Variants in GADL1 observed in about 807,000 individuals in gnomAD.
GADL1 encodes GAD like acidic amino acid decarboxylase 1.
GADL1 carries 71 observed loss-of-function variants against 69.5 expected under a neutral mutation model. The ratio of observed to expected loss-of-function variants is 1.02; its 90% CI spans 0.84 to 1.25. The LOEUF (loss-of-function observed/expected upper bound fraction) is 1.25, where lower values mean the gene tolerates loss of function less well. GADL1 is among the 50% of genes most tolerant of loss of function. The pLI, the probability that GADL1 is intolerant of heterozygous loss-of-function variation, is 0.00. For missense variants in GADL1, 737 were observed against 631.8 expected, an observed-to-expected ratio of 1.17 and a Z score of -1.79; for synonymous variants, 254 against 214.4, an observed-to-expected ratio of 1.18 and a Z score of -1.62.
intron 1 of GADL1, among the ~76,000 whole-genome samples, chr3:30,862,295 G>A (rs1230324946): frequency 6.6e-6 from 1 of 151,998 alleles, no homozygotes; most frequent in Non-Finnish European, 1.5e-5. Context: ...CGAGATGGAG[G>A]AACAGGAGTT....
intron 14 of GADL1, among the ~76,000 whole-genome samples, chr3:30,751,341 C>A (rs187156747): frequency 1.3e-5 from 2 of 151,876 alleles, no homozygotes; most frequent in East Asian, 1.9e-4. Flanking sequence ...ACTCTTGAGC[C>A]GCTTGCTGGT....
chr3:30,786,496 C>A, intron 12 of GADL1, 90 bp from the exon 13 acceptor site: 1 of 731,464 alleles, frequency 1.4e-6, no homozygotes, highest in South Asian at 1.5e-5. Flanking sequence ...TCAGACAGGG[C>A]TTGGAGATAA....
rs142392662 is a variant in GADL1 at position 30,781,180 on chromosome 3, T to TAA, written c.1303-2914_1303-2913dup. 5.9e-5 allele frequency among the ~76,000 whole-genome samples: 9 copies of TAA among 152,224 alleles called. No homozygotes were observed. In the South Asian group the frequency reaches 6.2e-4, roughly 11 times the overall value. ...GCAGCAAGTGCATTGTCATAATCTT[T>TAA]AAAAAATTCATGATAAAGGAGTAAT... is the stretch of plus-strand genomic sequence containing the variant. On this transcript the variant is annotated intron_variant, in intron 13 of 14. Transcript: ENST00000282538.
Position 30,801,092 on chromosome 3 carries a change from C to T in GADL1, c.1051-4G>A, listed in dbSNP as rs76278251. The T allele has an allele frequency of 1.2e-3, 1,847 of 1,581,760 alleles. 3 individuals are homozygous for T. Among genetic ancestry groups the T allele is most frequent in the South Asian group, 2.4e-3 (215 of 89,678 alleles). On this transcript the variant is annotated splice_region_variant and splice_polypyrimidine_tract_variant and intron_variant, in intron 11 of 14. Coordinates refer to ENST00000282538, the MANE Select transcript of GADL1 (RefSeq NM_207359.3). The stretch of plus-strand genomic sequence containing the variant: ...AGTAGCATTTTTTAAGAAGATCCTT[C>T]GAAAAAGAAAAGATTACAAGACTGT...
chr3:30,834,432 A>G (rs1575226583), intron 9 of GADL1, 151 bp from the exon 10 acceptor site: 1 of 663,498 alleles, frequency 1.5e-6, no homozygotes, highest in East Asian at 2.8e-5. Context: ...GGAAATTCTG[A>G]TCACTGGCTC....
intron 1 of GADL1, among the ~76,000 whole-genome samples, chr3:30,877,826 A>G (rs1477621325): frequency 6.6e-6 from 1 of 151,960 alleles, no homozygotes; most frequent in African/African-American, 2.4e-5. Flanking sequence ...GTATTACCAT[A>G]TAGATTTTAA....
chr3:30,834,547 G>A (rs569407812), intron 9 of GADL1, among the ~76,000 whole-genome samples: 1 of 152,156 alleles, frequency 6.6e-6, no homozygotes, highest in South Asian at 2.1e-4. Context: ...TGAGCTATGT[G>A]TGGATGGAAG....
chr3:30,734,566 C>T (rs1162882986), intron 14 of GADL1, among the ~76,000 whole-genome samples: 1 of 152,018 alleles, frequency 6.6e-6, no homozygotes, highest in Admixed American at 6.6e-5. Context: ...TCCTTATCGT[C>T]CAAACATATG....
At chr3:30,852,664 C>T (rs750147679) in intron 4 of GADL1, among the ~76,000 whole-genome samples, 2 of 151,772 alleles carry the variant, frequency 1.3e-5, no homozygotes, top group Admixed American at 6.6e-5. Flanking sequence ...AGTATTTAGC[C>T]TGTCTTTGAA....
chr3:30,867,615 C>T (rs1238126405), intron 1 of GADL1, among the ~76,000 whole-genome samples: 1 of 151,720 alleles, frequency 6.6e-6, no homozygotes, highest in Non-Finnish European at 1.5e-5. Flanking sequence ...TTGCCTTGCC[C>T]AAGGTCACAG....
chr3:30,858,657 T>C (rs1240959918), intron 2 of GADL1, among the ~76,000 whole-genome samples: 3 of 151,672 alleles, frequency 2.0e-5, no homozygotes, highest in Non-Finnish European at 2.9e-5. Context: ...GTGGGGATGA[T>C]GAGGTGAAAG....
intron 11 of GADL1, among the ~76,000 whole-genome samples, chr3:30,818,350 G>A (rs1697511281): frequency 6.6e-6 from 1 of 152,140 alleles, no homozygotes; most frequent in Non-Finnish European, 1.5e-5. Flanking sequence ...TGTACAAAAA[G>A]GGAACTTTAT....
intron 1 of GADL1, among the ~76,000 whole-genome samples, chr3:30,885,710 A>G (rs1392267316): frequency 6.6e-6 from 1 of 151,976 alleles, no homozygotes; most frequent in Non-Finnish European, 1.5e-5. Flanking sequence ...TACTATAAAT[A>G]AGACAGCATT....
intron 14 of GADL1, among the ~76,000 whole-genome samples, chr3:30,752,106 C>CCA (rs59521743): frequency 1.3e-5 from 2 of 152,058 alleles, no homozygotes; most frequent in Non-Finnish European, 2.9e-5. Context: ...GTTTCTCATT[C>CCA]CACACACACA....
At chr3:30,815,336 CGGT>C (rs1559507513) in intron 11 of GADL1, among the ~76,000 whole-genome samples, 7 of 152,044 alleles carry the variant, frequency 4.6e-5, no homozygotes, top group African/African-American at 1.7e-4. Context: ...TCTCTCTGGT[CGGT>C]TAGGAGGAGG....
At chr3:30,740,991 TTA>T (rs1327642102) in intron 14 of GADL1, among the ~76,000 whole-genome samples, 2 of 104,700 alleles carry the variant, frequency 1.9e-5, no homozygotes, top group Admixed American at 9.3e-5. Flanking sequence ...ATATTATATA[TTA>T]TATATTAATA....
At position 30,857,010 on chromosome 3, in the gene GADL1, C is replaced by T. The variant is rs1194395185; in HGVS notation, c.337+5G>A. On this transcript the variant is annotated splice_donor_5th_base_variant and intron_variant, in intron 3 of 14. Coordinates refer to ENST00000282538, the MANE Select transcript of GADL1 (RefSeq NM_207359.3). ...CAGATCAAGGAAGTAAATTAAAGTT[C>T]TTACTAGTTTTGACACTGTAGTGTA... is the stretch of plus-strand genomic sequence containing the variant. 1.3e-6 allele frequency: 2 copies of T among 1,548,358 alleles called. No homozygotes were observed. Among genetic ancestry groups the T allele is most frequent in the Non-Finnish European group, 1.7e-6 (2 of 1,144,598 alleles).
At chr3:30,859,357 C>T (rs971811149) in intron 2 of GADL1, among the ~76,000 whole-genome samples, 4 of 151,928 alleles carry the variant, frequency 2.6e-5, no homozygotes, top group South Asian at 2.1e-4. Context: ...TGACTACTGG[C>T]GCATTCAACA....
rs752670417 is a variant in GADL1 at position 30,728,341 on chromosome 3, C to A, written c.1467G>T (p.Lys489Asn). The change falls in exon 15 of 15, where the codon AAG becomes AAT. Residue 489 changes from lysine (K) to asparagine (N), a missense_variant. Transcript: ENST00000282538. ...TCACCACCTGGCGGAAGAAGTTGAC[C>A]TTTCCCCGGTGCGGCTGGTAGCCCA... ...LMLGYQPHRG[K>N]VNFFRQVVIS... 25 of 1,613,810 alleles carry A rather than the reference C, an allele frequency of 1.5e-5. No homozygotes were observed. The South Asian group carries it at 2.4e-4, about 16-fold the overall frequency.
Sources: gnomAD v4.1 joint callset for allele counts (sites outside exome capture counted in the v4.1 genomes callset) on GRCh38, gnomAD v4.1.1 for gene constraint, MANE v1.5 for transcripts, NCBI Gene and HGNC (gene_info 2026-07-23, HGNC 2026-07-21) for gene names.